Variants in SNTG1 observed in about 807,000 individuals in gnomAD.
SNTG1 encodes syntrophin gamma 1.
In SNTG1, 39 loss-of-function variants were observed where a neutral mutation model predicts 74.7. The ratio of observed to expected loss-of-function variants is 0.52; its 90% CI spans 0.40 to 0.68. The LOEUF (loss-of-function observed/expected upper bound fraction) is 0.68. SNTG1 is among the 30% of genes least tolerant of loss of function. The probability of loss-of-function intolerance (pLI) is 0.00; values close to 1 mark genes in which losing one functional copy is unlikely to be tolerated. For synonymous variants in SNTG1, 254 were observed against 217.1 expected, an observed-to-expected ratio of 1.17 and a Z score of -1.49; for missense variants, 685 against 609.5, an observed-to-expected ratio of 1.12 and a Z score of -1.30.
chr8:50,287,468 G>T (rs1435664639), intron 2 of SNTG1, among the ~76,000 whole-genome samples: 1 of 152,158 alleles, frequency 6.6e-6, no homozygotes, highest in Non-Finnish European at 1.5e-5. Flanking sequence ...CACCAGGCCA[G>T]GGGACTGTCT....
At chr8:49,917,373 G>A (rs531272663) in intron 1 of SNTG1, among the ~76,000 whole-genome samples, 1 of 152,098 alleles carries the variant, frequency 6.6e-6, no homozygotes, top group Non-Finnish European at 1.5e-5. Context: ...GTGCTCTCAT[G>A]GTGGAACATA....
intron 13 of SNTG1, among the ~76,000 whole-genome samples, chr8:50,617,380 A>T (rs1567312): frequency 2.7e-4 from 3 of 11,298 alleles, no homozygotes; most frequent in South Asian, 2.5e-3. Flanking sequence ...TAAGCATTTC[A>T]CACACACACA....
At chr8:50,413,462 G>A (rs1342634733) in intron 4 of SNTG1, among the ~76,000 whole-genome samples, 5 of 152,060 alleles carry the variant, frequency 3.3e-5, no homozygotes, top group African/African-American at 1.2e-4. Flanking sequence ...TTTCTTTGTA[G>A]GAAAACTGTC....
chr8:50,786,648 A>G (rs1019300099), intron 18 of SNTG1, among the ~76,000 whole-genome samples: 2 of 151,968 alleles, frequency 1.3e-5, no homozygotes, highest in South Asian at 2.1e-4. Flanking sequence ...GAATGGACAT[A>G]TAGAACACTG....
intron 4 of SNTG1, among the ~76,000 whole-genome samples, chr8:50,411,504 G>C (rs2092948859): frequency 6.6e-6 from 1 of 151,760 alleles, no homozygotes. Context: ...AAAACAGAAG[G>C]AGGAAGGGAA....
At chr8:50,383,426 C>T (rs539603304) in intron 2 of SNTG1, among the ~76,000 whole-genome samples, 10 of 152,268 alleles carry the variant, frequency 6.6e-5, no homozygotes, top group African/African-American at 2.2e-4. Context: ...AGATAATTGA[C>T]ATATATTATA....
At chr8:50,426,865 A>G (rs950808492) in intron 4 of SNTG1, among the ~76,000 whole-genome samples, 13 of 152,156 alleles carry the variant, frequency 8.5e-5, no homozygotes, top group African/African-American at 2.4e-4. Context: ...TATAATAACT[A>G]TTTACTATAT....
intron 2 of SNTG1, among the ~76,000 whole-genome samples, chr8:50,220,519 G>C (rs2085011467): frequency 6.6e-6 from 1 of 152,166 alleles, no homozygotes; most frequent in Non-Finnish European, 1.5e-5. Context: ...ATTCATGTGA[G>C]CACATGCTGC....
chr8:50,389,078 C>T (rs185016310), intron 2 of SNTG1, among the ~76,000 whole-genome samples: 17 of 152,234 alleles, frequency 1.1e-4, no homozygotes, highest in Admixed American at 1.0e-3. Context: ...TGTTCTCGTG[C>T]AATTGCAGAA....
At chr8:50,512,177 C>A (rs1246280583) in intron 9 of SNTG1, among the ~76,000 whole-genome samples, 1 of 151,978 alleles carries the variant, frequency 6.6e-6, no homozygotes, top group Non-Finnish European at 1.5e-5. Flanking sequence ...ACTTATGAAG[C>A]TTAGTTTGGC....
intron 2 of SNTG1, among the ~76,000 whole-genome samples, chr8:50,339,099 T>G (rs2130924629): frequency 6.6e-6 from 1 of 152,252 alleles, no homozygotes; most frequent in South Asian, 2.1e-4. Context: ...TACATTGGAC[T>G]TCTCTTAGAA....
intron 2 of SNTG1, among the ~76,000 whole-genome samples, chr8:50,175,649 A>G (rs1482066130): frequency 1.3e-5 from 2 of 152,160 alleles, no homozygotes; most frequent in African/African-American, 4.8e-5. Flanking sequence ...TGCACAGTAA[A>G]TCCTGACTAA....
chr8:50,764,614 G>A (rs2095608915), intron 18 of SNTG1, among the ~76,000 whole-genome samples: 1 of 151,812 alleles, frequency 6.6e-6, no homozygotes, highest in South Asian at 2.1e-4. Context: ...TTATCAAAAA[G>A]GTGAAAGATA....
At chr8:49,969,387 C>CTTTTTTTTTT (rs575026898) in intron 1 of SNTG1, among the ~76,000 whole-genome samples, 1 of 47,152 alleles carries the variant, frequency 2.1e-5, no homozygotes, top group Non-Finnish European at 5.1e-5. Context: ...TTCATTTAAT[C>CTTTTTTTTTT]TTTTTTTTTT....
intron 2 of SNTG1, among the ~76,000 whole-genome samples, chr8:50,352,380 T>G (rs1055826169): frequency 2.6e-5 from 4 of 151,290 alleles, no homozygotes; most frequent in African/African-American, 9.8e-5. Flanking sequence ...CCTTATGGTT[T>G]TTGGTTCGTT....
At chr8:50,141,878 TAAAAG>T (rs961209664) in intron 1 of SNTG1, among the ~76,000 whole-genome samples, 1 of 151,906 alleles carries the variant, frequency 6.6e-6, no homozygotes, top group Non-Finnish European at 1.5e-5. Context: ...ATATTGAAAA[TAAAAG>T]AAAATAAAAG....
At chr8:50,484,133 T>TTTCC (rs1476788755) in intron 8 of SNTG1, among the ~76,000 whole-genome samples, 2 of 77,320 alleles carry the variant, frequency 2.6e-5, no homozygotes, top group Non-Finnish European at 2.6e-5. Flanking sequence ...TCTTTCTTTC[T>TTTCC]TTCCTTCTTT....
chr8:49,937,811 T>C (rs1808220632), intron 1 of SNTG1, among the ~76,000 whole-genome samples: 1 of 152,230 alleles, frequency 6.6e-6, no homozygotes, highest in African/African-American at 2.4e-5. Context: ...GTTATTCAGC[T>C]GTCTTGGAGG....
rs940893965 is a variant in SNTG1, at chr8:50,530,065, A to G, written c.467-112A>G. Reference sequence around the variant, plus strand: ...ATAACTGAGATAAAATTGTATTGTAATATCTGATTTACTTGATATTACTGA... The same window carrying G: ...ATAACTGAGATAAAATTGTATTGTAGTATCTGATTTACTTGATATTACTGA... On this transcript the variant is annotated intron_variant, in intron 9 of 18. Coordinates refer to ENST00000642720, the MANE Select transcript of SNTG1 (RefSeq NM_018967.5). 1.9e-5 allele frequency: 16 copies of G among 859,616 alleles called. No individual in the cohort carries two copies. In the African/African-American group the frequency reaches 2.5e-4, roughly 14 times the overall value. The allele number at this position is 859,616 out of a possible 1,614,324, so 53.2% of individuals were successfully genotyped here.
Sources: gnomAD v4.1 joint callset for allele counts (sites outside exome capture counted in the v4.1 genomes callset) on GRCh38, gnomAD v4.1.1 for gene constraint, MANE v1.5 for transcripts, NCBI Gene and HGNC (gene_info 2026-07-23, HGNC 2026-07-21) for gene names.